The following NELL1 variants were observed in gnomAD, a reference collection of about 807,000 sequenced individuals.
The protein encoded by NELL1 is neural EGFL like 1.
NELL1 carries 76 observed loss-of-function variants against 107.4 expected under a neutral mutation model. The ratio of observed to expected loss-of-function variants is 0.71; its 90% CI spans 0.59 to 0.86. NELL1 has a LOEUF of 0.86. Ranked by LOEUF, NELL1 falls within the 40% of genes least tolerant of loss-of-function variation. NELL1 has a pLI of 0.00. For synonymous variants in NELL1, 353 were observed against 341.2 expected (o/e 1.03, Z -0.38); for missense variants, 1,024 against 1,005.5 (o/e 1.02, Z -0.25).
intron 14 of NELL1, among the ~76,000 whole-genome samples, chr11:21,309,570 A>G (rs1849702682): frequency 6.6e-6 from 1 of 151,818 alleles, no homozygotes; most frequent in African/African-American, 2.4e-5. Flanking sequence ...TCCAGTCGGT[A>G]TTCTAATGTT....
chr11:20,731,651 A>T (rs1425599228), intron 2 of NELL1, among the ~76,000 whole-genome samples: 2 of 152,188 alleles, frequency 1.3e-5, no homozygotes, highest in Non-Finnish European at 2.9e-5. Flanking sequence ...CCAGACTTAC[A>T]ATTCACAAGC....
intron 2 of NELL1, among the ~76,000 whole-genome samples, chr11:20,755,564 T>TTTTTTTTTATTTTTA (rs1564895098): frequency 2.2e-5 from 2 of 91,934 alleles, no homozygotes; most frequent in African/African-American, 1.0e-4. Context: ...TTGTTTTTGT[T>TTTTTTTTTATTTTTA]TTTTTTTTTT....
intron 15 of NELL1, among the ~76,000 whole-genome samples, chr11:21,397,813 A>C (rs1380765671): frequency 6.6e-6 from 1 of 151,508 alleles, no homozygotes; most frequent in Non-Finnish European, 1.5e-5. Context: ...TTCTAAAAAG[A>C]CCTTTGAAAT....
chr11:20,909,201 T>A (rs527971460), intron 5 of NELL1, among the ~76,000 whole-genome samples: 1 of 152,340 alleles, frequency 6.6e-6, no homozygotes, highest in South Asian at 2.1e-4. Flanking sequence ...TATTGCTTAA[T>A]GGTTACAGAG....
chr11:21,464,082 T>C (rs897643059), intron 15 of NELL1, among the ~76,000 whole-genome samples: 1 of 152,044 alleles, frequency 6.6e-6, no homozygotes, highest in Non-Finnish European at 1.5e-5. Flanking sequence ...AATTCAAATG[T>C]TCCAGTGAAC....
chr11:21,155,370 G>C lies in NELL1; in HGVS notation c.1426+41656G>C, dbSNP rs542603116. On this transcript the variant is annotated intron_variant, in intron 13 of 19. Coordinates refer to ENST00000357134, the MANE Select transcript of NELL1 (RefSeq NM_006157.5). ...CACTGAGTGTAGAGATGTATATTTG[G>C]ATGTTGTGAAGATAAGAGTGTCAAT... Among the ~76,000 whole-genome samples, 4 of 152,232 alleles carry C rather than the reference G, an allele frequency of 2.6e-5. No individual in the cohort carries two copies. In the East Asian group the frequency reaches 7.7e-4, roughly 29 times the overall value.
intron 14 of NELL1, among the ~76,000 whole-genome samples, chr11:21,337,534 T>C (rs1234826941): frequency 1.3e-5 from 2 of 152,232 alleles, no homozygotes; most frequent in African/African-American, 4.8e-5. Flanking sequence ...AGCTCTTACA[T>C]GGCCCCTGTC....
At chr11:21,218,989 T>C (rs1312175464) in intron 13 of NELL1, among the ~76,000 whole-genome samples, 1 of 152,184 alleles carries the variant, frequency 6.6e-6, no homozygotes, top group Non-Finnish European at 1.5e-5. Flanking sequence ...TTTTTATTCC[T>C]TTAGATAAAC....
chr11:21,289,383 G>A (rs112229366), intron 14 of NELL1, among the ~76,000 whole-genome samples: 10 of 152,248 alleles, frequency 6.6e-5, no homozygotes, highest in South Asian at 4.2e-4. Context: ...AGGGTGGGGC[G>A]GTTCCTCACC....
chr11:21,404,545 A>G (rs560450287), intron 15 of NELL1, among the ~76,000 whole-genome samples: 2 of 151,972 alleles, frequency 1.3e-5, no homozygotes, highest in Non-Finnish European at 2.9e-5. Flanking sequence ...AAGCCTAAAG[A>G]TATTGTGACT....
intron 9 of NELL1, 144 bp from the exon 10 acceptor site, chr11:20,937,642 C>T: frequency 3.1e-6 from 2 of 640,386 alleles, no homozygotes; most frequent in South Asian, 3.9e-5. Flanking sequence ...CCACACAATT[C>T]CTTTCACTTT....
rs541449094 is a variant in NELL1, at chr11:20,904,131, C to T, written c.604-14051C>T. Among the ~76,000 whole-genome samples, 44 of 152,022 alleles carry T rather than the reference C, an allele frequency of 2.9e-4. 1 individual carries two copies. Among genetic ancestry groups the T allele is most frequent in the South Asian group, 2.3e-3 (11 of 4,814 alleles). ...ACTCAGAACGAGTTAGTGGGTGCAG[C>T]GCACCAGCATGGCACATGCATACAT... is the stretch of plus-strand genomic sequence containing the variant. On this transcript the variant is annotated intron_variant, in intron 5 of 19. Coordinates refer to ENST00000357134, the MANE Select transcript of NELL1 (RefSeq NM_006157.5).
chr11:21,258,643 C>A (rs1858829673), intron 14 of NELL1, among the ~76,000 whole-genome samples: 1 of 151,812 alleles, frequency 6.6e-6, no homozygotes, highest in Non-Finnish European at 1.5e-5. Flanking sequence ...GGAGGGCAAT[C>A]TGCTTTATTC....
chr11:21,101,645 A>C (rs950158317), intron 12 of NELL1, among the ~76,000 whole-genome samples: 4 of 151,966 alleles, frequency 2.6e-5, no homozygotes, highest in Non-Finnish European at 5.9e-5. Context: ...TTCTTTTGAG[A>C]AGTGTCTGTT....
At chr11:21,391,402 T>C (rs1851875549) in intron 15 of NELL1, among the ~76,000 whole-genome samples, 1 of 151,774 alleles carries the variant, frequency 6.6e-6, no homozygotes, top group African/African-American at 2.4e-5. Flanking sequence ...CCTGGTTTCA[T>C]TTCTGGGACT....
intron 13 of NELL1, among the ~76,000 whole-genome samples, chr11:21,119,902 C>A (rs1019438816): frequency 2.0e-5 from 3 of 152,010 alleles, no homozygotes; most frequent in Non-Finnish European, 2.9e-5. Flanking sequence ...GATACGCAGG[C>A]AGTTTTAAAG....
At chr11:21,257,566 C>T (rs768751294) in intron 14 of NELL1, among the ~76,000 whole-genome samples, 88 of 151,908 alleles carry the variant, frequency 5.8e-4, no homozygotes, top group Non-Finnish European at 9.6e-4. Flanking sequence ...CAGAGAGACA[C>T]ACTGATGAAC....
At chr11:21,499,423 C>A (rs544120975) in intron 15 of NELL1, among the ~76,000 whole-genome samples, 2 of 152,224 alleles carry the variant, frequency 1.3e-5, no homozygotes, top group South Asian at 4.1e-4. Flanking sequence ...GCTATTCATG[C>A]ATCAATAACA....
At chr11:21,501,900 C>T (rs1055958337) in intron 15 of NELL1, among the ~76,000 whole-genome samples, 20 of 152,116 alleles carry the variant, frequency 1.3e-4, no homozygotes, top group African/African-American at 4.6e-4. Flanking sequence ...CACTTTTCTC[C>T]CAAGTTCTTA....
Sources: gnomAD v4.1 joint callset for allele counts (sites outside exome capture counted in the v4.1 genomes callset) on GRCh38, gnomAD v4.1.1 for gene constraint, MANE v1.5 for transcripts, NCBI Gene and HGNC (gene_info 2026-07-23, HGNC 2026-07-21) for gene names.